The following SLC9A8 variants were observed in gnomAD, a reference collection of about 807,000 sequenced individuals.
SLC9A8 encodes the protein sodium/hydrogen exchanger 8.
A neutral mutation model predicts 66.6 loss-of-function variants in SLC9A8; 48 were observed. The ratio of observed to expected loss-of-function variants is 0.72; its 90% CI spans 0.57 to 0.92. The LOEUF (loss-of-function observed/expected upper bound fraction) is 0.92, where lower values mean the gene tolerates loss of function less well. SLC9A8 is among the 40% of genes least tolerant of loss of function. SLC9A8 has a pLI of 0.00. For synonymous variants in SLC9A8, 274 were observed against 282.6 expected (o/e 0.97, Z 0.31); for missense variants, 599 against 747.3 (o/e 0.80, Z 2.31).
At chr20:49,881,070 T>TA in intron 13 of SLC9A8, 35 bp downstream of exon 13, 1 of 1,488,586 alleles carries the variant, frequency 6.7e-7, no homozygotes, top group Non-Finnish European at 9.4e-7. Context: ...GGTGGGGAAG[T>TA]ACCTGTTAAA....
At chr20:49,872,199 T>C (rs1418849509) in intron 10 of SLC9A8, among the ~76,000 whole-genome samples, 1 of 152,100 alleles carries the variant, frequency 6.6e-6, no homozygotes, top group African/African-American at 2.4e-5. Flanking sequence ...TACCCTCTCA[T>C]TTTCCTTCGC....
At chr20:49,812,980 G>T (rs750876782) in intron 1 of SLC9A8, 32 bp downstream of exon 1, 18 of 1,380,922 alleles carry the variant, frequency 1.3e-5, no homozygotes, top group Admixed American at 3.6e-5. Flanking sequence ...CGGCGGAGGC[G>T]GCGGGGCTGG....
intron 5 of SLC9A8, 98 bp from the exon 6 acceptor site, chr20:49,849,481 G>A: frequency 1.1e-6 from 1 of 910,876 alleles, no homozygotes; most frequent in Middle Eastern, 3.3e-4. Flanking sequence ...CTTTTACAGA[G>A]AATCAAGTCT....
At chr20:49,860,037 A>G (rs1302510632) in intron 8 of SLC9A8, among the ~76,000 whole-genome samples, 1 of 152,188 alleles carries the variant, frequency 6.6e-6, no homozygotes, top group Non-Finnish European at 1.5e-5. Flanking sequence ...GCTACTCTGT[A>G]TAAAAAGCAG....
chr20:49,844,831 A>C (rs2146587770), intron 4 of SLC9A8, among the ~76,000 whole-genome samples: 1 of 151,238 alleles, frequency 6.6e-6, no homozygotes, highest in East Asian at 1.9e-4. Flanking sequence ...AATAATGATA[A>C]AAATAATAAA....
intron 8 of SLC9A8, among the ~76,000 whole-genome samples, chr20:49,859,022 G>A (rs191779730): frequency 5.9e-4 from 90 of 152,142 alleles, no homozygotes; most frequent in African/African-American, 2.0e-3. Flanking sequence ...AGTTGGATCT[G>A]TGGAGCATGC....
rs144344199 is a variant in SLC9A8 at position 49,892,061 on chromosome 20, CTCT to C, written c.*4130_*4132del. 13,781 of 152,200 alleles carry C rather than the reference CTCT, an allele frequency of 0.091. 664 individuals are homozygous for C. The highest frequency in any genetic ancestry group is 0.12 in the African/African-American group (5,040 of 41,492). 9.4% of individuals were successfully genotyped at this position (152,200 alleles called of 1,614,324 possible). A position where few individuals can be genotyped will look rare whatever the true frequency, so the allele number is the denominator to read the frequency against. On this transcript the variant is annotated 3_prime_UTR_variant, in exon 16 of 16. Coordinates refer to ENST00000361573, the MANE Select transcript of SLC9A8 (RefSeq NM_015266.3). ...CTGTTTCCTGAGCAGTGATGTGCTG[CTCT>C]TCTTGGTGGGGCTTTGGGCTGGGAG...
In SLC9A8 at chr20:49,834,909, G is replaced by A. The variant is rs1374755358; in HGVS notation, c.290-4632G>A. Among the ~76,000 whole-genome samples, 3 of 152,234 alleles carry A rather than the reference G, an allele frequency of 2.0e-5. No homozygotes were observed. In the East Asian group the frequency reaches 5.8e-4, roughly 29 times the overall value. On this transcript the variant is annotated intron_variant, in intron 3 of 15. Transcript: ENST00000361573. ...AATGAAGCCTGAAACCATGGAAAGA[G>A]GTTTAACTTCCCTAGTAATCAGGAT...
At chr20:49,842,358 A>G (rs1050737155) in intron 4 of SLC9A8, among the ~76,000 whole-genome samples, 2 of 152,124 alleles carry the variant, frequency 1.3e-5, no homozygotes, top group Admixed American at 1.3e-4. Context: ...ATGAGCCACC[A>G]CGCCTGGCCA....
rs975448412 is a variant in SLC9A8, at chr20:49,889,770, G to A, written c.*1834G>A. Reference sequence around the variant, plus strand: ...CCTTTGCCTGCCCCTGGGCGAGTGCGGGCAGGGATCTGAGACCAGATTGTT... The same window carrying A: ...CCTTTGCCTGCCCCTGGGCGAGTGCAGGCAGGGATCTGAGACCAGATTGTT... On this transcript the variant is annotated 3_prime_UTR_variant, in exon 16 of 16. Transcript: ENST00000361573. 7.2e-5 allele frequency: 11 copies of A among 152,150 alleles called. No homozygotes were observed. The highest frequency in any genetic ancestry group is 2.7e-4 in the African/African-American group (11 of 41,430). 9.4% of individuals were successfully genotyped at this position (152,150 alleles called of 1,614,324 possible). A position where few individuals can be genotyped will look rare whatever the true frequency, so the allele number is the denominator to read the frequency against.
intron 3 of SLC9A8, among the ~76,000 whole-genome samples, chr20:49,825,851 A>G (rs1414852875): frequency 6.6e-6 from 1 of 152,192 alleles, no homozygotes; most frequent in Non-Finnish European, 1.5e-5. Flanking sequence ...ATCCGTTCTC[A>G]GACAGGCTCT....
intron 11 of SLC9A8, among the ~76,000 whole-genome samples, chr20:49,877,037 C>T (rs1409034097): frequency 6.6e-6 from 1 of 151,564 alleles, no homozygotes; most frequent in African/African-American, 2.4e-5. Context: ...CTTGTAATCC[C>T]AGCACTTTGA....
intron 11 of SLC9A8, among the ~76,000 whole-genome samples, chr20:49,875,341 C>T (rs766745111): frequency 1.3e-5 from 2 of 151,616 alleles, no homozygotes; most frequent in African/African-American, 4.9e-5. Flanking sequence ...TTTAGGAAAT[C>T]CTGGTTAAAT....
intron 10 of SLC9A8, among the ~76,000 whole-genome samples, chr20:49,867,142 TTTGC>T (rs1221841367): frequency 2.6e-5 from 4 of 152,246 alleles, no homozygotes; most frequent in African/African-American, 4.8e-5. Flanking sequence ...TTTCTTGCTC[TTTGC>T]TTGTTATTAA....
intron 13 of SLC9A8, among the ~76,000 whole-genome samples, chr20:49,881,768 C>T (rs895942259): frequency 2.0e-5 from 3 of 152,058 alleles, no homozygotes; most frequent in African/African-American, 4.8e-5. Context: ...TATATATGTA[C>T]GTATGTGTAT....
At chr20:49,849,354 G>T (rs1325005773) in intron 5 of SLC9A8, among the ~76,000 whole-genome samples, 6 of 152,086 alleles carry the variant, frequency 3.9e-5, no homozygotes, top group Non-Finnish European at 8.8e-5. Context: ...AGACTTGTGC[G>T]AAGCTATGCA....
intron 3 of SLC9A8, among the ~76,000 whole-genome samples, chr20:49,838,170 C>T (rs1465481315): frequency 6.6e-6 from 1 of 152,148 alleles, no homozygotes; most frequent in Non-Finnish European, 1.5e-5. Context: ...AGTTGGTTAC[C>T]TTGGGCTAGG....
intron 14 of SLC9A8, among the ~76,000 whole-genome samples, chr20:49,884,531 C>T (rs1213119200): frequency 2.6e-5 from 4 of 152,098 alleles, no homozygotes; most frequent in Non-Finnish European, 5.9e-5. Context: ...AGCAGTGCCT[C>T]TGCCCTGCCA....
At chr20:49,883,386 G>C (rs1335101665) in intron 13 of SLC9A8, among the ~76,000 whole-genome samples, 1 of 152,170 alleles carries the variant, frequency 6.6e-6, no homozygotes, top group Non-Finnish European at 1.5e-5. Flanking sequence ...GGCGGGCCAT[G>C]CTGCTCTTGG....
Sources: gnomAD v4.1 joint callset for allele counts (sites outside exome capture counted in the v4.1 genomes callset) on GRCh38, gnomAD v4.1.1 for gene constraint, MANE v1.5 for transcripts, NCBI Gene and HGNC (gene_info 2026-07-23, HGNC 2026-07-21) for gene names.